ARID1B: variants seen among roughly 807,000 people sequenced by gnomAD.
ARID1B encodes AT-rich interaction domain 1B.
ARID1B carries 30 observed loss-of-function variants against 212.3 expected under a neutral mutation model. The ratio of observed to expected loss-of-function variants is 0.14; its 90% CI spans 0.11 to 0.19. The LOEUF (loss-of-function observed/expected upper bound fraction) is 0.19, where lower values mean the gene tolerates loss of function less well. Ranked by LOEUF, ARID1B falls within the 10% of genes least tolerant of loss-of-function variation. The pLI is 1.00. For missense variants in ARID1B, 2,891 were observed against 3,204.0 expected (o/e 0.90, Z 2.36); for synonymous variants, 1,402 against 1,301.7 (o/e 1.08, Z -1.66).
intron 5 of ARID1B, among the ~76,000 whole-genome samples, chr6:157,095,242 T>C (rs913450900): frequency 6.6e-6 from 1 of 152,080 alleles, no homozygotes; most frequent in African/African-American, 2.4e-5. Flanking sequence ...TGAGTGAAGG[T>C]CAGTGCTCCT....
At chr6:156,971,567 A>G (rs947751894) in intron 4 of ARID1B, among the ~76,000 whole-genome samples, 5 of 152,142 alleles carry the variant, frequency 3.3e-5, no homozygotes, top group African/African-American at 1.2e-4. Context: ...ATTATTTCAT[A>G]GTTTCTATGG....
chr6:156,934,946 A>ATATATATATATATATG (rs1792065806), intron 3 of ARID1B, among the ~76,000 whole-genome samples: 2 of 91,202 alleles, frequency 2.2e-5, no homozygotes, highest in South Asian at 6.0e-4. Flanking sequence ...ATATATATAT[A>ATATATATATATATATG]TATATATATA....
chr6:156,807,300 A>G (rs1402491056), intron 1 of ARID1B, among the ~76,000 whole-genome samples: 1 of 152,172 alleles, frequency 6.6e-6, no homozygotes, highest in Non-Finnish European at 1.5e-5. Context: ...CGCCTTAAGC[A>G]AGAAGCTTGC....
At chr6:157,202,370 T>G (rs887596673) in intron 18 of ARID1B, among the ~76,000 whole-genome samples, 1 of 152,172 alleles carries the variant, frequency 6.6e-6, no homozygotes, top group East Asian at 1.9e-4. Context: ...TAAAATCTTT[T>G]TCAGTGATTA....
intron 6 of ARID1B, among the ~76,000 whole-genome samples, chr6:157,117,606 A>G (rs1787407640): frequency 6.6e-6 from 1 of 152,186 alleles, no homozygotes; most frequent in Admixed American, 6.5e-5. Flanking sequence ...AGGGACCCCC[A>G]TGTCGGCAGC....
chr6:157,027,747 A>G (rs1326014196), intron 4 of ARID1B, among the ~76,000 whole-genome samples: 3 of 152,178 alleles, frequency 2.0e-5, no homozygotes, highest in South Asian at 2.1e-4. Flanking sequence ...ACATGCCTCT[A>G]TCTTGGGGAT....
At chr6:156,871,311 A>G (rs536001259) in intron 2 of ARID1B, among the ~76,000 whole-genome samples, 43 of 152,352 alleles carry the variant, frequency 2.8e-4, no homozygotes, top group South Asian at 1.0e-3. Flanking sequence ...TAGGTGATGG[A>G]CAAATAAATG....
chr6:157,140,420 A>G (rs1235916217), intron 7 of ARID1B, among the ~76,000 whole-genome samples: 9 of 151,880 alleles, frequency 5.9e-5, no homozygotes, highest in Non-Finnish European at 1.2e-4. Flanking sequence ...CAGTGAGCCG[A>G]GATCACACTA....
intron 3 of ARID1B, among the ~76,000 whole-genome samples, chr6:156,915,248 TGATA>T (rs1790252617): frequency 6.6e-6 from 1 of 152,126 alleles, no homozygotes; most frequent in Non-Finnish European, 1.5e-5. Flanking sequence ...CTTTCTTCTT[TGATA>T]GAATTGCTGG....
intron 2 of ARID1B, among the ~76,000 whole-genome samples, chr6:156,830,262 G>A (rs544692673): frequency 2.0e-5 from 3 of 152,290 alleles, no homozygotes; most frequent in East Asian, 3.9e-4. Flanking sequence ...TACCTAAGCC[G>A]CCAGGGAGTG....
At chr6:156,858,362 T>C (rs1785093144) in intron 2 of ARID1B, among the ~76,000 whole-genome samples, 1 of 152,208 alleles carries the variant, frequency 6.6e-6, no homozygotes, top group Admixed American at 6.5e-5. Context: ...TCAAAATCAC[T>C]GAAAGATTGG....
intron 6 of ARID1B, among the ~76,000 whole-genome samples, chr6:157,130,028 G>A (rs1289007091): frequency 6.6e-6 from 1 of 152,148 alleles, no homozygotes; most frequent in Admixed American, 6.5e-5. Flanking sequence ...AATCAGCTGG[G>A]CATGATGGCA....
intron 2 of ARID1B, among the ~76,000 whole-genome samples, chr6:156,860,188 G>A (rs562795003): frequency 2.4e-4 from 36 of 152,196 alleles, no homozygotes; most frequent in African/African-American, 7.5e-4. Context: ...TTTTAATGCC[G>A]TATGCTTAGA....
chr6:156,828,211 G>A (rs538584124), intron 1 of ARID1B, among the ~76,000 whole-genome samples: 11 of 151,984 alleles, frequency 7.2e-5, no homozygotes, highest in Non-Finnish European at 1.5e-4. Flanking sequence ...ATAGGTGCCT[G>A]CCACCACGCC....
rs764402992 is a variant in ARID1B, at chr6:157,084,873, G to T, written c.2459G>T (p.Arg820Leu). 6.2e-7 allele frequency: 1 copy of T among 1,614,014 alleles called. No individual in the cohort carries two copies. Among genetic ancestry groups the T allele is most frequent in the Non-Finnish European group, 8.5e-7 (1 of 1,179,966 alleles). ...TCTCCTGTAGGAAGCAACCAGTCTC[G>T]ATCTGGCCCAATCTCTCCTGCAAGT... ...VGSPVGSNQSRSGPISPASIP... is the reference protein window; with the variant it reads ...VGSPVGSNQSLSGPISPASIP... Residue 820 changes from arginine (R) to leucine (L), a missense_variant, in exon 5 of 20, where the codon CGA becomes CTA. This residue lies in a region of ARID1B where 1,643 missense variants were observed against 1,544.0 expected (regional missense o/e 1.06). Coordinates refer to ENST00000636930, the MANE Select transcript of ARID1B (RefSeq NM_001374828.1).
intron 4 of ARID1B, among the ~76,000 whole-genome samples, chr6:157,033,663 T>A (rs938402389): frequency 6.6e-6 from 1 of 152,194 alleles, no homozygotes; most frequent in African/African-American, 2.4e-5. Flanking sequence ...GAGATGTCAA[T>A]TGAAGGTTTT....
At chr6:157,042,676 T>G (rs971755203) in intron 4 of ARID1B, among the ~76,000 whole-genome samples, 10 of 140,510 alleles carry the variant, frequency 7.1e-5, no homozygotes, top group African/African-American at 1.0e-4. Context: ...TTTTTTTTTT[T>G]GAGACAGAGT....
At chr6:157,189,536 G>T (rs879043140) in intron 13 of ARID1B, 106 bp from the exon 14 acceptor site, 1 of 1,262,084 alleles carries the variant, frequency 7.9e-7, no homozygotes, top group East Asian at 2.6e-5. Flanking sequence ...ATAAGATGGT[G>T]TCTTATTTAC....
chr6:156,932,063 T>C (rs1196287551), intron 3 of ARID1B, among the ~76,000 whole-genome samples: 1 of 141,792 alleles, frequency 7.1e-6, no homozygotes, highest in South Asian at 2.2e-4. Context: ...GAGAATTGCT[T>C]GAGCCTGGGA....
Sources: allele counts gnomAD v4.1 joint callset (sites outside exome capture counted in the v4.1 genomes callset), GRCh38; gene constraint gnomAD v4.1.1; regional missense constraint gnomAD v4.1.1; transcripts MANE v1.5; gene names NCBI Gene and HGNC (gene_info 2026-07-23, HGNC 2026-07-21).